DYNC1I2: variants seen among roughly 807,000 people sequenced by gnomAD.
DYNC1I2 encodes cytoplasmic dynein 1 intermediate chain 2.
DYNC1I2 carries 53 observed loss-of-function variants against 88.6 expected under a neutral mutation model. The observed-to-expected ratio is 0.60, with a 90% CI of 0.48 to 0.75. The LOEUF (loss-of-function observed/expected upper bound fraction) is 0.75. DYNC1I2 is among the 30% of genes least tolerant of loss of function. DYNC1I2 has a pLI of 0.00. For missense variants in DYNC1I2, 458 were observed against 766.6 expected (o/e 0.60, Z 4.75); for synonymous variants, 198 against 254.6 (o/e 0.78, Z 2.12).
intron 15 of DYNC1I2, among the ~76,000 whole-genome samples, chr2:171,739,137 G>T (rs1689224877): frequency 6.6e-6 from 1 of 150,968 alleles, no homozygotes; most frequent in African/African-American, 2.4e-5. Context: ...CACCTTCTCA[G>T]AGTGAGACTT....
chr2:171,738,031 CAT>C (rs1335567924), intron 15 of DYNC1I2, among the ~76,000 whole-genome samples: 1 of 151,946 alleles, frequency 6.6e-6, no homozygotes, highest in Non-Finnish European at 1.5e-5. Context: ...AAAATGGAAT[CAT>C]AGAGTAGAAA....
At chr2:171,724,928 C>G (rs1339990457) in intron 7 of DYNC1I2, among the ~76,000 whole-genome samples, 1 of 151,900 alleles carries the variant, frequency 6.6e-6, no homozygotes, top group African/African-American at 2.4e-5. Context: ...GTATATTATC[C>G]CAATGTATAC....
intron 15 of DYNC1I2, among the ~76,000 whole-genome samples, chr2:171,732,639 A>T (rs1398911447): frequency 6.6e-6 from 1 of 152,186 alleles, no homozygotes; most frequent in Non-Finnish European, 1.5e-5. Flanking sequence ...AAAATCTCAA[A>T]TGCTTCTGGT....
chr2:171,690,692 C>G (rs1195891082), intron 2 of DYNC1I2, among the ~76,000 whole-genome samples: 1 of 131,016 alleles, frequency 7.6e-6, no homozygotes, highest in South Asian at 2.4e-4. Context: ...CTCACTGTGT[C>G]ACTCGGACTG....
chr2:171,741,453 A>G (rs1689421502), intron 15 of DYNC1I2, among the ~76,000 whole-genome samples: 1 of 152,168 alleles, frequency 6.6e-6, no homozygotes, highest in Non-Finnish European at 1.5e-5. Flanking sequence ...TTTTTATACT[A>G]GCTATCCTAG....
chr2:171,739,764 G>C (rs966924465), intron 15 of DYNC1I2, among the ~76,000 whole-genome samples: 2 of 144,382 alleles, frequency 1.4e-5, no homozygotes, highest in African/African-American at 5.2e-5. Flanking sequence ...GGAGTGCAGT[G>C]GCACGATCTT....
At chr2:171,719,820 T>C (rs1040184409) in intron 7 of DYNC1I2, among the ~76,000 whole-genome samples, 4 of 152,230 alleles carry the variant, frequency 2.6e-5, no homozygotes, top group African/African-American at 7.2e-5. Flanking sequence ...ACTGTGGTGC[T>C]TTGCTGTCTT....
rs959627116 is a variant in DYNC1I2 at position 171,749,374 on chromosome 2, A to G, written c.*1485A>G. On this transcript the variant is annotated 3_prime_UTR_variant, in exon 18 of 18. Coordinates refer to ENST00000397119, the MANE Select transcript of DYNC1I2 (RefSeq NM_001378.3). The stretch of plus-strand genomic sequence containing the variant: ...AAAGTAGGCAATTCTTTACTTTTCT[A>G]TATTCAGTTTCATAAATTAATACCC... 1.3e-5 allele frequency among the ~76,000 whole-genome samples: 2 copies of G among 152,156 alleles called. No homozygotes were observed. Among genetic ancestry groups the G allele is most frequent in the Admixed American group, 6.5e-5 (1 of 15,278 alleles).
Position 171,728,819 on chromosome 2 carries a change from G to T in DYNC1I2, c.1360G>T (p.Gly454Cys). 1 of 1,610,990 alleles carries T rather than the reference G, an allele frequency of 6.2e-7. No individual in the cohort carries two copies. The highest frequency in any genetic ancestry group is 2.2e-5 in the East Asian group (1 of 44,776). ...CAACTTTGTTGTTGGGAGTGAAGAA[G>T]GTTCTGTGTACACAGCATGCCGCCA... The part of the protein sequence containing the change: ...VNNFVVGSEE[G>C]SVYTACRHGS... The change falls in exon 14 of 18, where the codon GGT becomes TGT. Residue 454 changes from glycine to cysteine, a missense_variant. Transcript: ENST00000397119.
At chr2:171,710,162 C>T (rs185741446) in intron 5 of DYNC1I2, among the ~76,000 whole-genome samples, 25 of 137,000 alleles carry the variant, frequency 1.8e-4, no homozygotes, top group African/African-American at 6.6e-4. Context: ...CACACACACA[C>T]ACAGAGTAAT....
intron 15 of DYNC1I2, among the ~76,000 whole-genome samples, chr2:171,740,646 GT>G (rs1689359712): frequency 6.6e-6 from 1 of 151,700 alleles, no homozygotes; most frequent in Admixed American, 6.6e-5. Flanking sequence ...CTTTTGAGTT[GT>G]TTTTGGTATT....
Position 171,725,993 on chromosome 2 carries a change from C to A in DYNC1I2, c.682C>A (p.His228Asn). Residue 228 changes from histidine (H) to asparagine (N), a missense_variant, in exon 9 of 18, where the codon CAT becomes AAT. By Grantham distance (68) the His-to-Asn change is moderately conservative (BLOSUM62 1). Coordinates refer to ENST00000397119, the MANE Select transcript of DYNC1I2 (RefSeq NM_001378.3). ...HSEEFLSFFDHSTRIVERALS... is the reference protein window; with the variant it reads ...HSEEFLSFFDNSTRIVERALS... ...TGAGGAATTTTTAAGTTTCTTTGAC[C>A]ATTCTACAAGAATTGTAGAAAGAGC... The A allele has an allele frequency of 2.5e-6, 4 of 1,597,912 alleles. No individual in the cohort carries two copies. The highest frequency in any genetic ancestry group is 1.1e-5 in the South Asian group (1 of 87,196).
chr2:171,723,424 T>G (rs961593420), intron 7 of DYNC1I2, among the ~76,000 whole-genome samples: 1 of 152,186 alleles, frequency 6.6e-6, no homozygotes, highest in African/African-American at 2.4e-5. Flanking sequence ...CAGTGAATTT[T>G]TAGTTGAAAT....
intron 3 of DYNC1I2, among the ~76,000 whole-genome samples, chr2:171,696,963 C>T (rs532652189): frequency 1.3e-5 from 2 of 152,054 alleles, no homozygotes; most frequent in Admixed American, 1.3e-4. Flanking sequence ...ACCATACATA[C>T]ATTGCATTGC....
chr2:171,725,758 T>C, intron 8 of DYNC1I2, 45 bp downstream of exon 8: 3 of 1,285,146 alleles, frequency 2.3e-6, no homozygotes, highest in Non-Finnish European at 3.1e-6. Flanking sequence ...TGATTTCTGT[T>C]AAGATTCCTT....
intron 3 of DYNC1I2, among the ~76,000 whole-genome samples, chr2:171,693,903 A>G (rs1219673361): frequency 6.6e-6 from 1 of 152,084 alleles, no homozygotes; most frequent in African/African-American, 2.4e-5. Context: ...AACTAAACCA[A>G]GTTGCTTGTT....
intron 15 of DYNC1I2, among the ~76,000 whole-genome samples, chr2:171,734,199 C>G (rs1688847137): frequency 6.6e-6 from 1 of 152,070 alleles, no homozygotes; most frequent in Non-Finnish European, 1.5e-5. Context: ...TTTACTCTCT[C>G]AGGGTGTCAG....
At chr2:171,742,671 C>A (rs189273572) in intron 15 of DYNC1I2, among the ~76,000 whole-genome samples, 1 of 151,990 alleles carries the variant, frequency 6.6e-6, no homozygotes, top group African/African-American at 2.4e-5. Context: ...GGATAACTTT[C>A]CTAGTTCATT....
At position 171,690,202 on chromosome 2, in the gene DYNC1I2, A is replaced by G. The variant is rs1179976520; in HGVS notation, c.47A>G (p.Gln16Arg). 6.4e-7 allele frequency: 1 copy of G among 1,554,872 alleles called. No individual in the cohort carries two copies. Among genetic ancestry groups the G allele is most frequent in the Admixed American group, 1.9e-5 (1 of 51,374 alleles). ...AAGGCTGAGTTGGAACGTAAGAAGCAGCGACTGGCCCAAATCAGAGAGGAA... is the reference window on the plus strand; with the variant it reads ...AAGGCTGAGTTGGAACGTAAGAAGCGGCGACTGGCCCAAATCAGAGAGGAA... Reference protein sequence around the residue: ...ELKAELERKKQRLAQIREEKK... With the variant: ...ELKAELERKKRRLAQIREEKK... Residue 16 changes from glutamine (Q) to arginine (R), a missense_variant, in exon 2 of 18, where the codon CAG becomes CGG. Transcript: ENST00000397119.
Sources: allele counts gnomAD v4.1 joint callset (sites outside exome capture counted in the v4.1 genomes callset), GRCh38; gene constraint gnomAD v4.1.1; transcripts MANE v1.5; gene names NCBI Gene and HGNC (gene_info 2026-07-23, HGNC 2026-07-21).